The following LRRC4C variants were observed in gnomAD, a reference collection of about 807,000 sequenced individuals.
LRRC4C encodes the protein leucine-rich repeat-containing protein 4C.
In LRRC4C, 5 loss-of-function variants were observed where a neutral mutation model predicts 33.6. That is an observed-to-expected ratio of 0.15 (90% CI 0.08 to 0.31). The LOEUF (loss-of-function observed/expected upper bound fraction) is 0.31. LRRC4C is among the 10% of genes least tolerant of loss of function. LRRC4C has a pLI of 1.00. For missense variants in LRRC4C, 560 were observed against 796.7 expected, an observed-to-expected ratio of 0.70 and a Z score of 3.58; for synonymous variants, 329 against 302.0, an observed-to-expected ratio of 1.09 and a Z score of -0.93.
At chr11:40,148,005 T>C (rs1857885978) in intron 5 of LRRC4C, among the ~76,000 whole-genome samples, 1 of 152,204 alleles carries the variant, frequency 6.6e-6, no homozygotes, top group Admixed American at 6.5e-5. Flanking sequence ...TTTGGTTTTC[T>C]GTTCCTGTGC....
intron 2 of LRRC4C, among the ~76,000 whole-genome samples, chr11:40,715,315 G>A (rs1385748183): frequency 1.3e-5 from 2 of 152,074 alleles, no homozygotes; most frequent in Admixed American, 6.5e-5. Flanking sequence ...CTAGTAATCA[G>A]GAAATTCAAA....
chr11:41,458,132 T>A (rs1323091030), intron 1 of LRRC4C, among the ~76,000 whole-genome samples: 1 of 152,192 alleles, frequency 6.6e-6, no homozygotes, highest in Non-Finnish European at 1.5e-5. Context: ...TTGCATCTTC[T>A]TTCTATACAT....
intron 1 of LRRC4C, among the ~76,000 whole-genome samples, chr11:41,113,628 G>A (rs1335020235): frequency 6.6e-6 from 1 of 152,202 alleles, no homozygotes; most frequent in East Asian, 1.9e-4. Context: ...TACCTTGGCT[G>A]TACGCTTCTT....
At chr11:41,447,926 T>C (rs549413580) in intron 1 of LRRC4C, among the ~76,000 whole-genome samples, 1 of 152,246 alleles carries the variant, frequency 6.6e-6, no homozygotes, top group East Asian at 1.9e-4. Context: ...TTTGTTTATA[T>C]GGTATGTTTT....
chr11:41,216,471 A>T (rs116537122), intron 1 of LRRC4C, among the ~76,000 whole-genome samples: 1 of 152,126 alleles, frequency 6.6e-6, no homozygotes, highest in Non-Finnish European at 1.5e-5. Flanking sequence ...AAAAAAAAAA[A>T]AAAAGGTAGG....
intron 1 of LRRC4C, among the ~76,000 whole-genome samples, chr11:41,361,795 C>T (rs189745908): frequency 4.4e-4 from 67 of 152,106 alleles, no homozygotes; most frequent in Non-Finnish European, 7.4e-4. Context: ...AATGTAGTTC[C>T]AAGGGCATAA....
At chr11:40,491,766 T>TA (rs1320503397) in intron 3 of LRRC4C, among the ~76,000 whole-genome samples, 2 of 152,130 alleles carry the variant, frequency 1.3e-5, no homozygotes, top group Non-Finnish European at 2.9e-5. Context: ...TTATTATATC[T>TA]AAAAAAACTT....
chr11:41,194,208 T>C (rs1276005479), intron 1 of LRRC4C, among the ~76,000 whole-genome samples: 1 of 152,140 alleles, frequency 6.6e-6, no homozygotes, highest in African/African-American at 2.4e-5. Context: ...ATACAAAATA[T>C]GTGTTATTGG....
chr11:41,143,977 T>C (rs879521258), intron 1 of LRRC4C, among the ~76,000 whole-genome samples: 1 of 152,198 alleles, frequency 6.6e-6, no homozygotes, highest in Non-Finnish European at 1.5e-5. Context: ...AGAGTGTACT[T>C]TCTGAAGTCT....
At chr11:40,223,911 G>A (rs1217077003) in intron 5 of LRRC4C, among the ~76,000 whole-genome samples, 1 of 152,078 alleles carries the variant, frequency 6.6e-6, no homozygotes, top group Non-Finnish European at 1.5e-5. Context: ...TCCTTCAATA[G>A]TTTTGTTTCT....
At chr11:41,244,302 C>A (rs1295965772) in intron 1 of LRRC4C, among the ~76,000 whole-genome samples, 1 of 152,088 alleles carries the variant, frequency 6.6e-6, no homozygotes, top group African/African-American at 2.4e-5. Context: ...ATGTCCTGAA[C>A]TACTTGTAAA....
chr11:40,517,478 G>A (rs911737662), intron 3 of LRRC4C, among the ~76,000 whole-genome samples: 1 of 152,280 alleles, frequency 6.6e-6, no homozygotes, highest in South Asian at 2.1e-4. Flanking sequence ...TGCAAAGGCA[G>A]AGGTTGATAA....
intron 1 of LRRC4C, among the ~76,000 whole-genome samples, chr11:41,164,445 A>G (rs1944629017): frequency 1.3e-5 from 2 of 152,154 alleles, no homozygotes; most frequent in South Asian, 4.1e-4. Flanking sequence ...CATAAGTAAA[A>G]GGAGAACACT....
chr11:40,173,365 G>A (rs1182597945), intron 5 of LRRC4C, among the ~76,000 whole-genome samples: 1 of 152,212 alleles, frequency 6.6e-6, no homozygotes, highest in Non-Finnish European at 1.5e-5. Context: ...AGACCTGCAT[G>A]TCTGGTTGTA....
At chr11:40,808,763 T>C (rs545468328) in intron 2 of LRRC4C, among the ~76,000 whole-genome samples, 1 of 152,278 alleles carries the variant, frequency 6.6e-6, no homozygotes, top group African/African-American at 2.4e-5. Flanking sequence ...TTCCAAAGTC[T>C]CTTTCTTCAG....
chr11:41,222,092 A>G (rs1290619040), intron 1 of LRRC4C, among the ~76,000 whole-genome samples: 1 of 152,210 alleles, frequency 6.6e-6, no homozygotes, highest in East Asian at 1.9e-4. Context: ...AGCTTGATAT[A>G]TAAGTATTTC....
chr11:41,408,338 T>C (rs1667417055), intron 1 of LRRC4C, among the ~76,000 whole-genome samples: 1 of 152,180 alleles, frequency 6.6e-6, no homozygotes, highest in South Asian at 2.1e-4. Flanking sequence ...CACTTAAAAC[T>C]GGGACCATTT....
chr11:40,537,886 A>T (rs1382079256), intron 3 of LRRC4C, among the ~76,000 whole-genome samples: 1 of 152,172 alleles, frequency 6.6e-6, no homozygotes, highest in Admixed American at 6.5e-5. Context: ...GAGTGGCTGT[A>T]GCCCTGTCTA....
chr11:40,262,279 T>C (rs1421380080), intron 4 of LRRC4C, among the ~76,000 whole-genome samples: 2 of 152,120 alleles, frequency 1.3e-5, no homozygotes, highest in African/African-American at 4.8e-5. Context: ...ACAAGATTAT[T>C]ATTATACCAC....
Sources: allele counts gnomAD v4.1 joint callset (sites outside exome capture counted in the v4.1 genomes callset), GRCh38; gene constraint gnomAD v4.1.1; transcripts MANE v1.5; gene names NCBI Gene and HGNC (gene_info 2026-07-23, HGNC 2026-07-21).